CLMN: variants seen among roughly 807,000 people sequenced by gnomAD.
The protein encoded by CLMN is calmin (calponin-like, transmembrane).
CLMN carries 57 observed loss-of-function variants against 92.7 expected under a neutral mutation model. That is an observed-to-expected ratio of 0.61 (90% CI 0.50 to 0.77). The LOEUF is 0.77. Among genes scored for constraint, CLMN ranks in the 30% least tolerant of loss-of-function variants. The pLI is 0.00. For synonymous variants in CLMN, 466 were observed against 470.6 expected (o/e 0.99, Z 0.13); for missense variants, 1,158 against 1,237.5 (o/e 0.94, Z 0.96).
At chr14:95,252,921 C>G (rs922925902) in intron 1 of CLMN, among the ~76,000 whole-genome samples, 1 of 152,122 alleles carries the variant, frequency 6.6e-6, no homozygotes, top group African/African-American at 2.4e-5. Flanking sequence ...CTCTTGCTTG[C>G]ATTGATTTTA....
intron 1 of CLMN, among the ~76,000 whole-genome samples, chr14:95,268,438 T>C (rs1899566013): frequency 6.6e-6 from 1 of 151,302 alleles, no homozygotes; most frequent in South Asian, 2.1e-4. Context: ...TGATACAACA[T>C]TCTTGAAATG....
intron 1 of CLMN, among the ~76,000 whole-genome samples, chr14:95,267,791 A>G (rs1430040682): frequency 6.6e-6 from 1 of 152,224 alleles, no homozygotes; most frequent in African/African-American, 2.4e-5. Context: ...CCACAGATAA[A>G]TGAATAAAGA....
chr14:95,317,566 G>C (rs992503148), intron 1 of CLMN, among the ~76,000 whole-genome samples: 2 of 149,712 alleles, frequency 1.3e-5, no homozygotes, highest in African/African-American at 2.5e-5. Context: ...ATACAGGCGA[G>C]AGCACAGAGG....
intron 1 of CLMN, chr14:95,307,675 C>T (rs549025387): frequency 6.6e-5 from 10 of 152,356 alleles, no homozygotes; most frequent in African/African-American, 1.7e-4. Flanking sequence ...GGAGGTAACA[C>T]GTTTGGTTTG....
intron 1 of CLMN, among the ~76,000 whole-genome samples, chr14:95,264,939 C>CAAAAA (rs34109382): frequency 5.5e-5 from 7 of 127,458 alleles, no homozygotes; most frequent in African/African-American, 1.5e-4. Context: ...CCATCTCTAC[C>CAAAAA]AAAAAAAAAA....
intron 1 of CLMN, among the ~76,000 whole-genome samples, chr14:95,275,212 C>T (rs1899878985): frequency 6.6e-6 from 1 of 152,080 alleles, no homozygotes; most frequent in African/African-American, 2.4e-5. Context: ...TAAAATTAGG[C>T]TGAGACCTAC....
chr14:95,274,685 T>C (rs369745945), intron 1 of CLMN, among the ~76,000 whole-genome samples: 3 of 152,176 alleles, frequency 2.0e-5, no homozygotes, highest in African/African-American at 7.2e-5. Context: ...GCAGTATTAT[T>C]ATATGATAGT....
At position 95,202,778 on chromosome 14, in the gene CLMN, C is replaced by A. The variant is rs1013889408; in HGVS notation, c.2511+60G>T. ...ATGGAGCAAGAAGCTGAGCTTCAGA[C>A]AAAGAACTATCAAGTTTCCCAGGCA... On this transcript the variant is annotated intron_variant, in intron 9 of 12. Transcript: ENST00000298912. The A allele has an allele frequency of 3.3e-5, 48 of 1,472,376 alleles. No individual in the cohort carries two copies. In the African/African-American group the frequency reaches 3.8e-4, roughly 12 times the overall value. 91.2% of individuals were successfully genotyped at this position (1,472,376 alleles called of 1,614,324 possible).
chr14:95,247,220 C>T (rs1470259745), intron 1 of CLMN, among the ~76,000 whole-genome samples: 1 of 152,202 alleles, frequency 6.6e-6, no homozygotes, highest in African/African-American at 2.4e-5. Flanking sequence ...CTACATGGTG[C>T]TTTTCTGGCA....
chr14:95,307,051 A>G (rs1901314867), intron 1 of CLMN, among the ~76,000 whole-genome samples: 1 of 152,360 alleles, frequency 6.6e-6, no homozygotes, highest in South Asian at 2.1e-4. Context: ...CAAACCTTAA[A>G]GAAAAGGCAA....
intron 1 of CLMN, among the ~76,000 whole-genome samples, chr14:95,265,150 G>A (rs1242791972): frequency 1.3e-5 from 2 of 151,930 alleles, no homozygotes; most frequent in East Asian, 3.9e-4. Flanking sequence ...GGGTGAGGCT[G>A]AGAGGGTCTC....
At chr14:95,225,013 C>T (rs1897667226) in intron 2 of CLMN, among the ~76,000 whole-genome samples, 1 of 152,074 alleles carries the variant, frequency 6.6e-6, no homozygotes, top group South Asian at 2.1e-4. Flanking sequence ...CTTTCCTCAC[C>T]CCACGTGTGT....
chr14:95,293,940 C>G (rs1433886973), intron 1 of CLMN, among the ~76,000 whole-genome samples: 1 of 152,192 alleles, frequency 6.6e-6, no homozygotes, highest in Non-Finnish European at 1.5e-5. Context: ...CAGTCTCTCA[C>G]TTAGCGTTTT....
chr14:95,314,836 A>G (rs1901693034), intron 1 of CLMN, among the ~76,000 whole-genome samples: 1 of 152,192 alleles, frequency 6.6e-6, no homozygotes, highest in South Asian at 2.1e-4. Flanking sequence ...CTACATGATG[A>G]TTCATCCCTT....
rs114038649 is a variant in CLMN, at chr14:95,271,440, C to T, written c.83-41307G>A. Among the ~76,000 whole-genome samples, 697 of 152,310 alleles carry T rather than the reference C, an allele frequency of 4.6e-3. 5 individuals carry two copies. Among genetic ancestry groups the T allele is most frequent in the African/African-American group, 0.016 (662 of 41,552 alleles). On this transcript the variant is annotated intron_variant, in intron 1 of 12. Transcript: ENST00000298912. ...AGAGCCACGAAGACAGCACCAAAGGCCCTGGGGTCCCCTCTCCTTTTACCT... is the reference window on the plus strand; with the variant it reads ...AGAGCCACGAAGACAGCACCAAAGGTCCTGGGGTCCCCTCTCCTTTTACCT...
chr14:95,268,489 G>C (rs559460317), intron 1 of CLMN, among the ~76,000 whole-genome samples: 1 of 152,224 alleles, frequency 6.6e-6, no homozygotes, highest in East Asian at 1.9e-4. Flanking sequence ...AAGTTGCTGG[G>C]GGTAGTGACT....
intron 1 of CLMN, among the ~76,000 whole-genome samples, chr14:95,318,090 A>G (rs1901874946): frequency 1.3e-5 from 2 of 152,154 alleles, no homozygotes; most frequent in Admixed American, 1.3e-4. Context: ...ACAACAATCA[A>G]TCTTCTCTAA....
chr14:95,230,264 C>T, intron 1 of CLMN, 131 bp from the exon 2 acceptor site: 1 of 819,918 alleles, frequency 1.2e-6, no homozygotes, highest in Non-Finnish European at 2.0e-6. Context: ...AGAACAGAGG[C>T]CTTTCTGGAA....
At chr14:95,192,002 G>A (rs1896574428) in intron 12 of CLMN, 2 of 337,650 alleles carry the variant, frequency 5.9e-6, no homozygotes, top group Admixed American at 4.7e-5. Flanking sequence ...TCTGCAGATG[G>A]ACACACTGAG....
Sources: allele counts gnomAD v4.1 joint callset (sites outside exome capture counted in the v4.1 genomes callset), GRCh38; gene constraint gnomAD v4.1.1; transcripts MANE v1.5; gene names NCBI Gene and HGNC (gene_info 2026-07-23, HGNC 2026-07-21).